The following NAV2 variants were observed in gnomAD, a reference collection of about 807,000 sequenced individuals.
The protein encoded by NAV2 is neuron navigator 2.
In NAV2, 54 loss-of-function variants were observed where a neutral mutation model predicts 223.2. That is an observed-to-expected ratio of 0.24 (90% CI 0.19 to 0.30). NAV2 has a LOEUF of 0.30. Among genes scored for constraint, NAV2 ranks in the 10% least tolerant of loss-of-function variants. The pLI is 1.00. For synonymous variants in NAV2, 1,279 were observed against 1,239.3 expected (o/e 1.03, Z -0.67); for missense variants, 2,806 against 3,147.5 (o/e 0.89, Z 2.60).
At chr11:20,005,629 G>T (rs1164380898) in intron 11 of NAV2, among the ~76,000 whole-genome samples, 1 of 151,768 alleles carries the variant, frequency 6.6e-6, no homozygotes, top group Non-Finnish European at 1.5e-5. Context: ...ATAAGGAGAG[G>T]AATACAGGGA....
intron 12 of NAV2, among the ~76,000 whole-genome samples, chr11:20,040,091 CCTGGCAGGATGA>C (rs966997828): frequency 6.6e-6 from 1 of 152,142 alleles, no homozygotes; most frequent in Non-Finnish European, 1.5e-5. Context: ...GGACACAGTG[CCTGGCAGGATGA>C]CTGGCAGGCG....
chr11:19,619,563 A>G (rs560666365), intron 1 of NAV2, among the ~76,000 whole-genome samples: 82 of 152,280 alleles, frequency 5.4e-4, no homozygotes, highest in Middle Eastern at 3.4e-3. Context: ...GTCTTCTTTT[A>G]AGAAGTGTCT....
At chr11:19,395,807 C>CTGAG (rs1241070773) in intron 1 of NAV2, among the ~76,000 whole-genome samples, 3 of 152,208 alleles carry the variant, frequency 2.0e-5, no homozygotes, top group Non-Finnish European at 4.4e-5. Context: ...CCTTTACATG[C>CTGAG]TGAGCCCCTT....
At chr11:19,770,495 G>A (rs1327997192) in intron 1 of NAV2, among the ~76,000 whole-genome samples, 3 of 152,094 alleles carry the variant, frequency 2.0e-5, no homozygotes, top group African/African-American at 7.2e-5. Flanking sequence ...CATTGAGGTG[G>A]TGGGTGGGGA....
Position 19,550,489 on chromosome 11 carries a change from A to G in NAV2, c.75+199462A>G, listed in dbSNP as rs529958749. Among the ~76,000 whole-genome samples the G allele has an allele frequency of 2.7e-4, 41 of 152,348 alleles. 2 individuals are homozygous for G. Among genetic ancestry groups the G allele is most frequent in the African/African-American group, 6.7e-4 (28 of 41,574 alleles). ...AGGCAACTGAGGCCCACAGAGGTCA[A>G]GGGGCTTGCTTAAAGGCAGATCGAT... On this transcript the variant is annotated intron_variant, in intron 1 of 37. Transcript: ENST00000360655.
intron 37 of NAV2, 49 bp downstream of exon 37, chr11:20,114,844 G>A (rs769192865): frequency 1.6e-5 from 25 of 1,541,134 alleles, no homozygotes; most frequent in Admixed American, 3.6e-5. Context: ...AGCACTTACT[G>A]TGTGTTGGGT....
At chr11:19,985,082 G>C (rs2050660037) in intron 11 of NAV2, among the ~76,000 whole-genome samples, 1 of 152,206 alleles carries the variant, frequency 6.6e-6, no homozygotes, top group African/African-American at 2.4e-5. Flanking sequence ...GATGCAAGTG[G>C]TTTAAAATGA....
intron 11 of NAV2, among the ~76,000 whole-genome samples, chr11:20,016,356 G>A (rs1350116332): frequency 6.6e-6 from 1 of 152,202 alleles, no homozygotes; most frequent in African/African-American, 2.4e-5. Flanking sequence ...TTCAGATTTA[G>A]AATGGGAAGG....
intron 1 of NAV2, among the ~76,000 whole-genome samples, chr11:19,440,541 G>A (rs1258769280): frequency 6.6e-6 from 1 of 152,188 alleles, no homozygotes; most frequent in African/African-American, 2.4e-5. Context: ...TTGTCTCATG[G>A]GAGTCTTATA....
intron 25 of NAV2, chr11:20,082,668 G>A (rs1444009361): frequency 2.9e-5 from 41 of 1,434,224 alleles, no homozygotes; most frequent in African/African-American, 7.0e-5. Flanking sequence ...AACCTCATCC[G>A]CATCCATCAC....
At chr11:19,821,890 G>T (rs2059398735) in intron 1 of NAV2, among the ~76,000 whole-genome samples, 1 of 152,188 alleles carries the variant, frequency 6.6e-6, no homozygotes, top group Admixed American at 6.5e-5. Context: ...TGGTTTCTGT[G>T]TGGGCCCCTC....
At chr11:19,697,091 T>C (rs549079299) in intron 1 of NAV2, among the ~76,000 whole-genome samples, 45 of 152,304 alleles carry the variant, frequency 3.0e-4, no homozygotes, top group African/African-American at 1.1e-3. Flanking sequence ...TGGAATACTA[T>C]GCAGCCATAA....
intron 1 of NAV2, among the ~76,000 whole-genome samples, chr11:19,697,342 G>T (rs1041453309): frequency 2.6e-5 from 4 of 152,042 alleles, no homozygotes; most frequent in Non-Finnish European, 5.9e-5. Flanking sequence ...CTTTTGGCCT[G>T]GATGATGGGA....
chr11:20,093,297 T>A, intron 29 of NAV2, 98 bp downstream of exon 29: 1 of 789,160 alleles, frequency 1.3e-6, no homozygotes, highest in Non-Finnish European at 2.2e-6. Context: ...CCTTGGAGCC[T>A]AAGGTGATTT....
chr11:19,715,453 G>A (rs1415015941), intron 1 of NAV2, among the ~76,000 whole-genome samples: 1 of 152,132 alleles, frequency 6.6e-6, no homozygotes, highest in East Asian at 1.9e-4. Context: ...CATGGACTTG[G>A]GGTTTATGAG....
chr11:19,636,489 ATTT>A (rs5790080), intron 1 of NAV2, among the ~76,000 whole-genome samples: 7 of 136,196 alleles, frequency 5.1e-5, no homozygotes, highest in Admixed American at 7.5e-5. Flanking sequence ...GTTCTGCAGT[ATTT>A]TTTTTTTTTT....
intron 1 of NAV2, among the ~76,000 whole-genome samples, chr11:19,542,753 C>G (rs1229740170): frequency 1.3e-5 from 2 of 152,200 alleles, no homozygotes; most frequent in Admixed American, 6.5e-5. Flanking sequence ...AAATATTCTA[C>G]AGGTGAGAAA....
intron 1 of NAV2, among the ~76,000 whole-genome samples, chr11:19,356,669 T>C (rs1369242843): frequency 1.3e-5 from 2 of 152,168 alleles, no homozygotes; most frequent in African/African-American, 4.8e-5. Context: ...ATGTGGCCTT[T>C]TGGGGGGCTG....
At chr11:20,069,449 A>C (rs929009140) in intron 22 of NAV2, among the ~76,000 whole-genome samples, 2 of 152,170 alleles carry the variant, frequency 1.3e-5, no homozygotes, top group African/African-American at 4.8e-5. Context: ...GACACCTCTC[A>C]GTGCGTTTTA....
Sources: allele counts gnomAD v4.1 joint callset (sites outside exome capture counted in the v4.1 genomes callset), GRCh38; gene constraint gnomAD v4.1.1; transcripts MANE v1.5; gene names NCBI Gene and HGNC (gene_info 2026-07-23, HGNC 2026-07-21).